Variants in AK5 observed in about 807,000 individuals in gnomAD.
AK5 encodes the protein adenylate kinase 5, also known as adenylate kinase isoenzyme 5.
A neutral mutation model predicts 69.5 loss-of-function variants in AK5; 27 were observed. The observed-to-expected ratio is 0.39, with a 90% CI of 0.29 to 0.54. AK5 has a LOEUF of 0.54. Ranked by LOEUF, AK5 falls within the 20% of genes least tolerant of loss-of-function variation. The pLI is 0.71. For synonymous variants in AK5, 260 were observed against 244.4 expected, an observed-to-expected ratio of 1.06 and a Z score of -0.60; for missense variants, 531 against 700.4, an observed-to-expected ratio of 0.76 and a Z score of 2.73.
intron 8 of AK5, among the ~76,000 whole-genome samples, chr1:77,481,276 T>C (rs765602841): frequency 1.1e-4 from 16 of 152,254 alleles, no homozygotes; most frequent in Non-Finnish European, 2.1e-4. Context: ...TTTCCTCATC[T>C]GTAAAATGGA....
intron 5 of AK5, among the ~76,000 whole-genome samples, chr1:77,323,559 A>G (rs1660641924): frequency 6.6e-6 from 1 of 152,234 alleles, no homozygotes; most frequent in Non-Finnish European, 1.5e-5. Flanking sequence ...ATATTTACTG[A>G]ATGAATGATC....
chr1:77,512,206 C>A (rs1347530615), intron 10 of AK5, among the ~76,000 whole-genome samples: 1 of 152,178 alleles, frequency 6.6e-6, no homozygotes, highest in Non-Finnish European at 1.5e-5. Context: ...TATATCTTCA[C>A]ATACGCTGTC....
intron 8 of AK5, among the ~76,000 whole-genome samples, chr1:77,465,178 G>T (rs1570185330): frequency 6.6e-6 from 1 of 152,174 alleles, no homozygotes; most frequent in East Asian, 1.9e-4. Context: ...TCATGAAATG[G>T]AAGTGCTGCC....
chr1:77,381,688 T>C (rs1346968629), intron 6 of AK5, among the ~76,000 whole-genome samples: 2 of 152,202 alleles, frequency 1.3e-5, no homozygotes, highest in Non-Finnish European at 2.9e-5. Context: ...CTTCAGCTTA[T>C]AAATATTTGG....
chr1:77,287,178 T>G, intron 2 of AK5, 51 bp downstream of exon 2: 1 of 1,308,362 alleles, frequency 7.6e-7, no homozygotes, highest in Middle Eastern at 2.0e-4. Flanking sequence ...GCAATTCTCT[T>G]TAAAACATGC....
At chr1:77,439,764 GTA>G (rs1652194481) in intron 8 of AK5, among the ~76,000 whole-genome samples, 1 of 151,396 alleles carries the variant, frequency 6.6e-6, no homozygotes, top group Admixed American at 6.6e-5. Flanking sequence ...GAATATGTAT[GTA>G]TATACATATA....
At position 77,435,810 on chromosome 1, in the gene AK5, A is replaced by G. The variant is rs138508019; in HGVS notation, c.1059+18095A>G. On this transcript the variant is annotated intron_variant, in intron 8 of 13. Coordinates refer to ENST00000354567, the MANE Select transcript of AK5 (RefSeq NM_174858.3). ...TCTTAGTTTTATATCTTAGTTGTAA[A>G]TTAAGTTTTAACTTATAAACTAAGT... 6.2e-4 allele frequency among the ~76,000 whole-genome samples: 94 copies of G among 152,330 alleles called. 3 individuals carry two copies. In the East Asian group the frequency reaches 0.018, roughly 29 times the overall value.
intron 6 of AK5, among the ~76,000 whole-genome samples, chr1:77,346,961 G>A (rs1369869146): frequency 1.3e-5 from 2 of 152,198 alleles, no homozygotes; most frequent in Non-Finnish European, 2.9e-5. Flanking sequence ...GGGTTGATGA[G>A]TTTGTAATGT....
At position 77,497,385 on chromosome 1, in the gene AK5, C is replaced by T. The variant is rs573137825; in HGVS notation, c.1147+11033C>T. ...CAAACCCACCGGAAGGAAGAAACTC[C>T]GGACACATCCGAACATGTGAAGGAA... On this transcript the variant is annotated intron_variant, in intron 10 of 13. Coordinates refer to ENST00000354567, the MANE Select transcript of AK5 (RefSeq NM_174858.3). Among the ~76,000 whole-genome samples the T allele has an allele frequency of 1.5e-4, 23 of 152,248 alleles. No homozygotes were observed. In the East Asian group the frequency reaches 3.3e-3, roughly 22 times the overall value.
chr1:77,297,620 A>C lies in AK5; in HGVS notation c.477A>C (p.Gln159His). 6.2e-7 allele frequency: 1 copy of C among 1,613,976 alleles called. No individual in the cohort carries two copies. Among genetic ancestry groups the C allele is most frequent in the Non-Finnish European group, 8.5e-7 (1 of 1,179,930 alleles). ...SLKIAERYGFQYISVGELLRK... is the reference protein window; with the variant it reads ...SLKIAERYGFHYISVGELLRK... ...AAATTGCAGAACGATATGGATTCCA[A>C]TACATTTCTGTGGGAGAATTATTAA... Residue 159 changes from glutamine to histidine, a missense_variant, in exon 4 of 14, where the codon CAA (glutamine) becomes CAC (histidine). Gln to His is a conservative substitution (Grantham distance 24). Coordinates refer to ENST00000354567, the MANE Select transcript of AK5 (RefSeq NM_174858.3).
At chr1:77,376,451 C>CAAAAAAAAA (rs762576175) in intron 6 of AK5, among the ~76,000 whole-genome samples, 1 of 41,036 alleles carries the variant, frequency 2.4e-5, no homozygotes, top group African/African-American at 9.0e-5. Flanking sequence ...AAAAAAAAAA[C>CAAAAAAAAA]AAAAAAAAAA....
At chr1:77,443,798 ATT>A (rs1456343764) in intron 8 of AK5, among the ~76,000 whole-genome samples, 12 of 151,588 alleles carry the variant, frequency 7.9e-5, no homozygotes, top group African/African-American at 2.9e-4. Context: ...TTTTTTAAAT[ATT>A]TTAAGTAAAC....
intron 8 of AK5, among the ~76,000 whole-genome samples, chr1:77,477,447 A>G (rs1254898037): frequency 6.6e-6 from 1 of 152,162 alleles, no homozygotes; most frequent in African/African-American, 2.4e-5. Flanking sequence ...CCACTCTGCT[A>G]TTACTTCCTG....
chr1:77,392,567 T>TG (rs1648556940), intron 6 of AK5, among the ~76,000 whole-genome samples: 1 of 152,316 alleles, frequency 6.6e-6, no homozygotes, highest in African/African-American at 2.4e-5. Flanking sequence ...CCTATATTGG[T>TG]TTCTCTTCCG....
intron 6 of AK5, among the ~76,000 whole-genome samples, chr1:77,401,661 A>C (rs1260462668): frequency 6.6e-6 from 1 of 152,218 alleles, no homozygotes; most frequent in Non-Finnish European, 1.5e-5. Context: ...GGCAAGCCCT[A>C]TCTCTATTGC....
chr1:77,465,328 A>T (rs1455238291), intron 8 of AK5, among the ~76,000 whole-genome samples: 2 of 152,190 alleles, frequency 1.3e-5, no homozygotes, highest in African/African-American at 4.8e-5. Context: ...GGCAATGAGT[A>T]GTCTGTTCTT....
intron 6 of AK5, among the ~76,000 whole-genome samples, chr1:77,363,114 TAA>T (rs1646893299): frequency 6.6e-6 from 1 of 152,184 alleles, no homozygotes; most frequent in Non-Finnish European, 1.5e-5. Flanking sequence ...CTTGGATGTC[TAA>T]TAGGCGTCTC....
chr1:77,482,288 G>C (rs926134678), intron 8 of AK5, among the ~76,000 whole-genome samples: 3 of 152,184 alleles, frequency 2.0e-5, no homozygotes, highest in African/African-American at 7.2e-5. Flanking sequence ...TTCTCACCTA[G>C]TGCCTTTTTA....
chr1:77,500,648 G>T (rs552756078), intron 10 of AK5, among the ~76,000 whole-genome samples: 7 of 152,086 alleles, frequency 4.6e-5, no homozygotes, highest in Non-Finnish European at 1.0e-4. Flanking sequence ...AGCCAGGTGT[G>T]GTGGGTGCCT....
Sources: gnomAD v4.1 joint callset for allele counts (sites outside exome capture counted in the v4.1 genomes callset) on GRCh38, gnomAD v4.1.1 for gene constraint, MANE v1.5 for transcripts, NCBI Gene and HGNC (gene_info 2026-07-23, HGNC 2026-07-21) for gene names.